The following FBXW7 variants were observed in gnomAD, a reference collection of about 807,000 sequenced individuals.
The protein encoded by FBXW7 is F-box and WD repeat domain containing 7.
In FBXW7, 11 loss-of-function variants were observed where a neutral mutation model predicts 86.3. That is an observed-to-expected ratio of 0.13 (90% CI 0.08 to 0.21). The LOEUF (loss-of-function observed/expected upper bound fraction) is 0.21, where lower values mean the gene tolerates loss of function less well. FBXW7 is among the 10% of genes least tolerant of loss of function. FBXW7 has a pLI of 1.00. For synonymous variants in FBXW7, 313 were observed against 297.9 expected, an observed-to-expected ratio of 1.05 and a Z score of -0.52; for missense variants, 488 against 847.4, an observed-to-expected ratio of 0.58 and a Z score of 5.27.
intron 2 of FBXW7, among the ~76,000 whole-genome samples, chr4:152,509,560 A>C (rs561037522): frequency 4.1e-4 from 62 of 152,326 alleles, no homozygotes; most frequent in African/African-American, 1.3e-3. Flanking sequence ...TAACGAACGT[A>C]AACTATTATT....
At chr4:152,375,889 G>A (rs1734459793) in intron 4 of FBXW7, among the ~76,000 whole-genome samples, 2 of 151,928 alleles carry the variant, frequency 1.3e-5, no homozygotes, top group Non-Finnish European at 2.9e-5. Flanking sequence ...ACAGTGATGT[G>A]GTTAAATTTA....
chr4:152,413,046 G>C (rs1738113226), intron 2 of FBXW7, among the ~76,000 whole-genome samples: 1 of 151,902 alleles, frequency 6.6e-6, no homozygotes, highest in South Asian at 2.1e-4. Context: ...CCAACATGTT[G>C]TGCACACACA....
In FBXW7 at chr4:152,322,617, C is replaced by T. The variant is rs547417725; in HGVS notation, c.*264G>A. On this transcript the variant is annotated 3_prime_UTR_variant, in exon 14 of 14. Coordinates refer to ENST00000281708, the MANE Select transcript of FBXW7 (RefSeq NM_001349798.2). ...GCACCTGGTTTGATTTAGAAAGTCT[C>T]ATTTTGCAAAGCTGCCCTCAGTCAA... 24 of 464,312 alleles carry T rather than the reference C, an allele frequency of 5.2e-5. No individual in the cohort carries two copies. The highest frequency in any genetic ancestry group is 4.6e-4 in the Admixed American group (12 of 26,014). 28.8% of individuals were successfully genotyped at this position (464,312 alleles called of 1,614,324 possible).
intron 2 of FBXW7, among the ~76,000 whole-genome samples, chr4:152,474,544 CT>C (rs1414093466): frequency 1.3e-5 from 2 of 152,256 alleles, no homozygotes; most frequent in East Asian, 3.9e-4. Flanking sequence ...TACCCATCAC[CT>C]ATTTGATTTA....
At chr4:152,473,755 T>C (rs868410063) in intron 2 of FBXW7, among the ~76,000 whole-genome samples, 4 of 152,306 alleles carry the variant, frequency 2.6e-5, no homozygotes, top group Non-Finnish European at 5.9e-5. Context: ...GCATGAAACA[T>C]GCTTCTTCCA....
At chr4:152,340,981 A>T (rs562037180) in intron 6 of FBXW7, among the ~76,000 whole-genome samples, 2 of 152,240 alleles carry the variant, frequency 1.3e-5, no homozygotes, top group East Asian at 3.9e-4. Context: ...TTTTGATCCA[A>T]ATGAACTCAC....
intron 4 of FBXW7, among the ~76,000 whole-genome samples, chr4:152,397,679 C>A: frequency 1.0e-5 from 1 of 95,800 alleles, no homozygotes; most frequent in Non-Finnish European, 1.9e-5. Context: ...TTTCTCATTT[C>A]TTTACCCTAA....
chr4:152,447,520 A>G (rs571412782), intron 2 of FBXW7, among the ~76,000 whole-genome samples: 2 of 152,332 alleles, frequency 1.3e-5, no homozygotes, highest in South Asian at 4.1e-4. Context: ...CTACACTTCT[A>G]TATTTGAACC....
chr4:152,533,322 C>G (rs1201115160), intron 2 of FBXW7, among the ~76,000 whole-genome samples: 1 of 152,184 alleles, frequency 6.6e-6, no homozygotes, highest in South Asian at 2.1e-4. Flanking sequence ...GTCCTCCCCT[C>G]CTTCCCAAAA....
At chr4:152,475,084 G>A (rs764831255) in intron 2 of FBXW7, among the ~76,000 whole-genome samples, 3 of 151,466 alleles carry the variant, frequency 2.0e-5, no homozygotes, top group Non-Finnish European at 2.9e-5. Flanking sequence ...CTGGCTGACA[G>A]AGCAAGACTC....
At chr4:152,424,439 C>T (rs943719245) in intron 2 of FBXW7, among the ~76,000 whole-genome samples, 1 of 152,140 alleles carries the variant, frequency 6.6e-6, no homozygotes, top group African/African-American at 2.4e-5. Context: ...AACCAAACAT[C>T]CAAAACTTAG....
At chr4:152,356,334 T>C (rs1353013804) in intron 4 of FBXW7, among the ~76,000 whole-genome samples, 2 of 152,188 alleles carry the variant, frequency 1.3e-5, no homozygotes, top group Non-Finnish European at 2.9e-5. Context: ...CTTAAACATA[T>C]ATTACAATCA....
At chr4:152,364,780 T>C (rs999576571) in intron 4 of FBXW7, among the ~76,000 whole-genome samples, 1 of 152,158 alleles carries the variant, frequency 6.6e-6, no homozygotes, top group Non-Finnish European at 1.5e-5. Context: ...ACAGTGAACA[T>C]CTGTATTGAA....
intron 2 of FBXW7, among the ~76,000 whole-genome samples, chr4:152,445,011 A>T (rs1196483819): frequency 6.6e-6 from 1 of 152,132 alleles, no homozygotes; most frequent in Non-Finnish European, 1.5e-5. Context: ...TTTTTTGTAG[A>T]GATGAGGTTT....
At chr4:152,428,309 T>C (rs550125160) in intron 2 of FBXW7, among the ~76,000 whole-genome samples, 2 of 152,262 alleles carry the variant, frequency 1.3e-5, no homozygotes, top group East Asian at 3.9e-4. Context: ...AAGGAGAAGA[T>C]TTCAACTTCA....
chr4:152,442,369 C>G (rs1317000069), intron 2 of FBXW7, among the ~76,000 whole-genome samples: 5 of 152,192 alleles, frequency 3.3e-5, no homozygotes, highest in African/African-American at 9.6e-5. Flanking sequence ...CTAAATTCAC[C>G]TCTTCCAAGA....
At position 152,535,497 on chromosome 4, in the gene FBXW7, C is replaced by T. The variant is rs1425600040; in HGVS notation, c.-583G>A. 5.1e-6 allele frequency: 2 copies of T among 394,902 alleles called. No homozygotes were observed. The highest frequency in any genetic ancestry group is 8.9e-6 in the Non-Finnish European group (2 of 223,894). The allele number at this position is 394,902 out of a possible 1,614,324, so 24.5% of individuals were successfully genotyped here. A position where few individuals can be genotyped will look rare whatever the true frequency, so the allele number is the denominator to read the frequency against. On this transcript the variant is annotated 5_prime_UTR_variant, in exon 1 of 14. Transcript: ENST00000281708. ...ACATCGGGGTCCCCGCCCCCCCGGC[C>T]GGGGGGTGGTTGCCGAGCTTGGTTG...
rs866769920 is a variant in FBXW7 at position 152,325,802 on chromosome 4, T to C, written c.1644+204A>G. The C allele has an allele frequency of 1.6e-4, 84 of 515,950 alleles. 1 individual carries two copies. The highest frequency in any genetic ancestry group is 5.2e-4 in the Middle Eastern group (1 of 1,934). 32.0% of individuals were successfully genotyped at this position (515,950 alleles called of 1,614,324 possible). ...CAAATATTTGTATTTAGAGGAGAAATAGATCACAGAAAATTGAAAGCATTT... is the reference window on the plus strand; with the variant it reads ...CAAATATTTGTATTTAGAGGAGAAACAGATCACAGAAAATTGAAAGCATTT... On this transcript the variant is annotated intron_variant, in intron 12 of 13. Transcript: ENST00000281708.
At chr4:152,428,048 C>T (rs1330864950) in intron 2 of FBXW7, among the ~76,000 whole-genome samples, 1 of 152,132 alleles carries the variant, frequency 6.6e-6, no homozygotes, top group Non-Finnish European at 1.5e-5. Context: ...TGAAGCTACA[C>T]CCTTTCCCAT....
Sources: gnomAD v4.1 joint callset for allele counts (sites outside exome capture counted in the v4.1 genomes callset) on GRCh38, gnomAD v4.1.1 for gene constraint, MANE v1.5 for transcripts, NCBI Gene and HGNC (gene_info 2026-07-23, HGNC 2026-07-21) for gene names.